The following TCOF1 variants were observed in gnomAD, a reference collection of about 807,000 sequenced individuals.
TCOF1 encodes the protein treacle protein.
In TCOF1, 33 loss-of-function variants were observed where a neutral mutation model predicts 149.0. The ratio of observed to expected loss-of-function variants is 0.22; its 90% CI spans 0.17 to 0.30. The LOEUF (loss-of-function observed/expected upper bound fraction) is 0.30. TCOF1 is among the 10% of genes least tolerant of loss of function. TCOF1 has a pLI of 1.00. For synonymous variants in TCOF1, 789 were observed against 738.8 expected, an observed-to-expected ratio of 1.07 and a Z score of -1.10; for missense variants, 1,728 against 1,840.7, an observed-to-expected ratio of 0.94 and a Z score of 1.12.
rs200342826 is a variant in TCOF1 at position 150,365,820 on chromosome 5, TAA to T, written c.304+1571_304+1572del. Among the ~76,000 whole-genome samples the T allele has an allele frequency of 8.5e-5, 13 of 152,208 alleles. No individual in the cohort carries two copies. The East Asian group carries it at 1.9e-3, about 23-fold the overall frequency. ...CTCCGGGTATGTAATTTTATTTTTT[TAA>T]AAGTCTTCACTGGGTTGGGCATGGT... On this transcript the variant is annotated intron_variant, in intron 3 of 26. Coordinates refer to ENST00000643257, the MANE Select transcript of TCOF1 (RefSeq NM_001371623.1).
intron 7 of TCOF1, among the ~76,000 whole-genome samples, chr5:150,372,559 G>A (rs969860573): frequency 1.3e-5 from 2 of 152,192 alleles, no homozygotes; most frequent in African/African-American, 4.8e-5. Context: ...CAAACACTAC[G>A]TTAGCTAAAG....
chr5:150,395,711 C>G lies in TCOF1; in HGVS notation c.3785-571C>G, dbSNP rs944898996. On this transcript the variant is annotated intron_variant, in intron 23 of 26. Coordinates refer to ENST00000643257, the MANE Select transcript of TCOF1 (RefSeq NM_001371623.1). ...GAGCTCCCCACCTTGCCTGGACCCC[C>G]TGACCAGGAAGGGCCGAGTGTGGGT... Among the ~76,000 whole-genome samples the G allele has an allele frequency of 2.0e-5, 3 of 152,210 alleles. No homozygotes were observed. The East Asian group carries it at 5.8e-4, about 29-fold the overall frequency.
Position 150,396,672 on chromosome 5 carries a change from A to G in TCOF1, c.4175A>G (p.Lys1392Arg). 6.2e-7 allele frequency: 1 copy of G among 1,612,322 alleles called. No individual in the cohort carries two copies. Among genetic ancestry groups the G allele is most frequent in the South Asian group, 1.1e-5 (1 of 90,804 alleles). Reference protein sequence around the residue: ...KTSTTSKGKAKRDKASGDVKE... With the variant: ...KTSTTSKGKARRDKASGDVKE... ...TCCACGACTTCCAAGGGGAAAGCAA[A>G]GAGAGACAAAGCAAGTGGTGATGTC... The change falls in exon 24 of 27, where the codon AAG (lysine) becomes AGG (arginine). Residue 1392 changes from lysine to arginine, a missense_variant. Lys to Arg is a conservative substitution (Grantham distance 26). Coordinates refer to ENST00000643257, the MANE Select transcript of TCOF1 (RefSeq NM_001371623.1).
chr5:150,379,011 C>T lies in TCOF1; in HGVS notation c.2447C>T (p.Ala816Val), dbSNP rs368158154. Residue 816 changes from alanine to valine, a missense_variant, in exon 15 of 27, where the codon GCT becomes GTT. By Grantham distance (64) the Ala-to-Val change is moderately conservative (BLOSUM62 0). Transcript: ENST00000643257. The part of the protein sequence containing the change: ...ISAPGKVVTA[A>V]AQAKQRSPSK... Reference sequence around the variant, plus strand: ...GCCCCTGGAAAAGTTGTCACTGCAGCTGCTCAAGCCAAGCAGAGGTCTCCA... The same window carrying T: ...GCCCCTGGAAAAGTTGTCACTGCAGTTGCTCAAGCCAAGCAGAGGTCTCCA... 6 of 1,613,992 alleles carry T rather than the reference C, an allele frequency of 3.7e-6. No homozygotes were observed. In the African/African-American group the frequency reaches 8.0e-5, roughly 22 times the overall value.
At chr5:150,381,052 G>C (rs1429807551) in intron 17 of TCOF1, among the ~76,000 whole-genome samples, 1 of 152,014 alleles carries the variant, frequency 6.6e-6, no homozygotes, top group East Asian at 1.9e-4. Context: ...CAGGAGAGAT[G>C]GTAGATAGTG....
At position 150,368,795 on chromosome 5, in the gene TCOF1, C is replaced by T; in HGVS notation, c.458C>T (p.Ser153Phe). The change falls in exon 5 of 27, where the codon TCT becomes TTT. Residue 153 changes from serine to phenylalanine, a missense_variant. Ser to Phe is a radical substitution (Grantham distance 155). This residue lies in a region of TCOF1 where 1,696 missense variants were observed against 1,765.4 expected (regional missense o/e 0.96). Transcript: ENST00000643257. ...ATGKTVANLL[S>F]GKSPRKSAEP... ...GGGAAGACGGTGGCCAACCTTCTTT[C>T]TGGGAAGTCTCCCAGGAAGTCAGCA... The T allele has an allele frequency of 6.2e-7, 1 of 1,614,092 alleles. No individual in the cohort carries two copies. Among genetic ancestry groups the T allele is most frequent in the Non-Finnish European group, 8.5e-7 (1 of 1,180,030 alleles).
At position 150,374,754 on chromosome 5, in the gene TCOF1, G is replaced by A. The variant is rs1417958208; in HGVS notation, c.1221G>A (p.Glu407=). Reference sequence around the variant, plus strand: ...CCAAGGCCCAGGCGGGGAAGCGGGAGGAGGACTCGCAGAGCAGCAGCGAGG... The same window carrying A: ...CCAAGGCCCAGGCGGGGAAGCGGGAAGAGGACTCGCAGAGCAGCAGCGAGG... ...AVAKAQAGKR[E]EDSQSSSEES... is the part of the protein sequence containing the mutation. The change falls in exon 9 of 27, where the codon GAG becomes GAA. Residue 407 remains glutamate, a synonymous_variant. Coordinates refer to ENST00000643257, the MANE Select transcript of TCOF1 (RefSeq NM_001371623.1). The A allele has an allele frequency of 1.2e-6, 2 of 1,613,212 alleles. No homozygotes were observed. The highest frequency in any genetic ancestry group is 2.2e-5 in the East Asian group (1 of 44,846).
chr5:150,360,305 A>G (rs1010688510), intron 1 of TCOF1, among the ~76,000 whole-genome samples: 9 of 152,206 alleles, frequency 5.9e-5, no homozygotes, highest in East Asian at 1.9e-4. Context: ...TTACAGAGAC[A>G]TTGGGCCCTC....
rs370179351 is a variant in TCOF1 at position 150,372,017 on chromosome 5, A to G, written c.651A>G (p.Ser217=). ...TCCTCTTGTTCCAGGGGAAACCCTC[A>G]GTAAAACCAGCCCAGGTCAAAGCCT... ...SDETDVEGKP[S]VKPAQVKASS... The change falls in exon 7 of 27, where the codon TCA becomes TCG. Residue 217 remains serine (S), a synonymous_variant. Coordinates refer to ENST00000643257, the MANE Select transcript of TCOF1 (RefSeq NM_001371623.1). The G allele has an allele frequency of 8.7e-5, 141 of 1,614,108 alleles. No individual in the cohort carries two copies. The highest frequency in any genetic ancestry group is 1.3e-4 in the Admixed American group (8 of 60,014).
intron 14 of TCOF1, among the ~76,000 whole-genome samples, chr5:150,377,946 T>G (rs1182882756): frequency 6.6e-6 from 1 of 152,248 alleles, no homozygotes; most frequent in Non-Finnish European, 1.5e-5. Context: ...GAACATATTT[T>G]GTATGATTTA....
chr5:150,365,886 C>T (rs1203672360), intron 3 of TCOF1, among the ~76,000 whole-genome samples: 1 of 151,428 alleles, frequency 6.6e-6, no homozygotes, highest in African/African-American at 2.4e-5. Context: ...TTTGGGAGGT[C>T]AAGGTAGAAG....
At position 150,361,276 on chromosome 5, in the gene TCOF1, G is replaced by A. The variant is rs188099815; in HGVS notation, c.164+65G>A. The A allele has an allele frequency of 2.3e-4, 369 of 1,585,808 alleles. 2 individuals carry two copies. In the African/African-American group the frequency reaches 4.5e-3, roughly 19 times the overall value. On this transcript the variant is annotated intron_variant, in intron 2 of 26. Coordinates refer to ENST00000643257, the MANE Select transcript of TCOF1 (RefSeq NM_001371623.1). Reference sequence around the variant, plus strand: ...CCCCAAGCAACTCAGCTTGGAATAAGCTGGGATACCTATCTGGTCTAAGAT... The same window carrying A: ...CCCCAAGCAACTCAGCTTGGAATAAACTGGGATACCTATCTGGTCTAAGAT...
intron 23 of TCOF1, chr5:150,393,895 C>T (rs994812278): frequency 7.2e-5 from 25 of 345,100 alleles, no homozygotes; most frequent in Non-Finnish European, 1.1e-4. Flanking sequence ...CTTGTAGTCC[C>T]AATTACTTGA....
Position 150,361,157 on chromosome 5 carries a change from A to G in TCOF1, c.110A>G (p.Lys37Arg). ...GGCTTTCTCTTTACCTCTCTGCAGA[A>G]GTGTTTCCTGGCTCAGCCCGTAACC... Reference protein sequence around the residue: ...AREVKEQSGQKCFLAQPVTLL... With the variant: ...AREVKEQSGQRCFLAQPVTLL... Residue 37 changes from lysine to arginine, a missense_variant and splice_region_variant, in exon 2 of 27, where the codon AAG becomes AGG. By Grantham distance (26) the Lys-to-Arg change is conservative (BLOSUM62 2). Coordinates refer to ENST00000643257, the MANE Select transcript of TCOF1 (RefSeq NM_001371623.1). 4 of 1,614,134 alleles carry G rather than the reference A, an allele frequency of 2.5e-6. No homozygotes were observed. Among genetic ancestry groups the G allele is most frequent in the Non-Finnish European group, 3.4e-6 (4 of 1,180,004 alleles).
At position 150,359,744 on chromosome 5, in the gene TCOF1, C is replaced by T. The variant is rs1425549339; in HGVS notation, c.109-1412C>T. Among the ~76,000 whole-genome samples, 3 of 152,300 alleles carry T rather than the reference C, an allele frequency of 2.0e-5. No individual in the cohort carries two copies. The East Asian group carries it at 5.8e-4, about 29-fold the overall frequency. ...AGCAAAATATCCTGCCGTCATGGAG[C>T]ACACATTCTAGTAGGAGCAGACAGG... On this transcript the variant is annotated intron_variant, in intron 1 of 26. Coordinates refer to ENST00000643257, the MANE Select transcript of TCOF1 (RefSeq NM_001371623.1).
At chr5:150,360,635 G>T (rs1457970447) in intron 1 of TCOF1, among the ~76,000 whole-genome samples, 5 of 152,120 alleles carry the variant, frequency 3.3e-5, no homozygotes, top group Non-Finnish European at 7.3e-5. Context: ...TGTCTAAAAA[G>T]GTTTTAGTTG....
chr5:150,365,251 T>C (rs1761069293), intron 3 of TCOF1, among the ~76,000 whole-genome samples: 1 of 144,830 alleles, frequency 6.9e-6, no homozygotes, highest in African/African-American at 2.6e-5. Context: ...TTCTTTTTCT[T>C]TCTTTTTTTT....
Position 150,375,137 on chromosome 5 carries a change from G to A in TCOF1, c.1462G>A (p.Ala488Thr). The change falls in exon 10 of 27, where the codon GCA (alanine) becomes ACA (threonine). Residue 488 changes from alanine (A) to threonine (T), a missense_variant. By Grantham distance (58) the Ala-to-Thr change is moderately conservative. Transcript: ENST00000643257. ...CGAGGAGTCAGACAGTGACAGAGAG[G>A]CACTGGCAGCCATGAATGCAGCTCA... ...SSEESDSDRE[A>T]LAAMNAAQVK... 1.2e-6 allele frequency: 2 copies of A among 1,613,780 alleles called. No homozygotes were observed. Among genetic ancestry groups the A allele is most frequent in the Non-Finnish European group, 1.7e-6 (2 of 1,179,908 alleles).
At chr5:150,372,426 T>C (rs376928632) in intron 7 of TCOF1, among the ~76,000 whole-genome samples, 190 bp downstream of exon 7, 3 of 152,220 alleles carry the variant, frequency 2.0e-5, no homozygotes, top group African/African-American at 7.2e-5. Flanking sequence ...CAACTTTACC[T>C]CAGTTTCTCT....
Sources: gnomAD v4.1 joint callset for allele counts (sites outside exome capture counted in the v4.1 genomes callset) on GRCh38, gnomAD v4.1.1 for gene constraint, gnomAD v4.1.1 regional missense constraint, MANE v1.5 for transcripts, NCBI Gene and HGNC (gene_info 2026-07-23, HGNC 2026-07-21) for gene names.